Variants in ADORA2B observed in about 807,000 individuals in gnomAD.
The protein encoded by ADORA2B is adenosine receptor A2b.
Under a neutral mutation model 20.8 loss-of-function variants are expected in ADORA2B, and 18 were observed. That is an observed-to-expected ratio of 0.87 (90% CI 0.60 to 1.29). ADORA2B has a LOEUF of 1.29. Ranked by LOEUF, ADORA2B falls within the 50% of genes most tolerant of loss-of-function variation. The pLI is 0.00. For missense variants in ADORA2B, 441 were observed against 422.7 expected (o/e 1.04, Z -0.38); for synonymous variants, 179 against 178.3 (o/e 1.00, Z -0.03).
At chr17:15,854,242 A>G in the ADORA2B span, among the ~76,000 whole-genome samples, 1 of 152,262 alleles carries the variant, frequency 6.6e-6, no homozygotes, top group Non-Finnish European at 1.5e-5. Context: ...GGCGTGAGCC[A>G]CCGCGCCTGG....
At chr17:15,874,515 C>T in the ADORA2B span, among the ~76,000 whole-genome samples, 1 of 151,236 alleles carries the variant, frequency 6.6e-6, no homozygotes, top group Admixed American at 6.6e-5. Flanking sequence ...TCATGAGACC[C>T]TGTGTCTACC....
At position 15,973,493 on chromosome 17, in the gene ADORA2B, C is replaced by T. The variant is rs201216786; in HGVS notation, c.336-1186C>T. Reference sequence around the variant, plus strand: ...CCTGGGCTGCAGACTAGTACTGGTCCGTGGCCTGTTAGGAACTGGGCCACA... The same window carrying T: ...CCTGGGCTGCAGACTAGTACTGGTCTGTGGCCTGTTAGGAACTGGGCCACA... On this transcript the variant is annotated intron_variant, in intron 1 of 1. Coordinates refer to ENST00000304222, the MANE Select transcript of ADORA2B (RefSeq NM_000676.4). Among the ~76,000 whole-genome samples the T allele has an allele frequency of 1.1e-4, 17 of 152,304 alleles. No individual in the cohort carries two copies. In the East Asian group the frequency reaches 1.2e-3, roughly 10 times the overall value.
the ADORA2B span, among the ~76,000 whole-genome samples, chr17:15,919,267 CT>C: frequency 6.6e-6 from 1 of 152,126 alleles, no homozygotes; most frequent in African/African-American, 2.4e-5. Flanking sequence ...ATTATTTGAC[CT>C]GAATTTTCCA....
the ADORA2B span, among the ~76,000 whole-genome samples, chr17:15,923,206 A>ATTTTTTTTTTTTTTTTTT: frequency 2.1e-4 from 24 of 113,486 alleles, no homozygotes; most frequent in Non-Finnish European, 2.8e-4. Context: ...TCTTTTTTTA[A>ATTTTTTTTTTTTTTTTTT]TTTTTTTTTT....
the ADORA2B span, among the ~76,000 whole-genome samples, chr17:15,885,440 G>A: frequency 3.9e-5 from 6 of 152,182 alleles, no homozygotes; most frequent in East Asian, 9.6e-4. Flanking sequence ...CAGGCCAGGC[G>A]TGGTGCGTCA....
chr17:15,946,315 G>A (rs1162857194), intron 1 of ADORA2B, among the ~76,000 whole-genome samples: 2 of 152,148 alleles, frequency 1.3e-5, no homozygotes, highest in Admixed American at 6.5e-5. Flanking sequence ...TGTTGGGAGC[G>A]GGCTGAGAAG....
At chr17:15,923,329 C>T in the ADORA2B span, among the ~76,000 whole-genome samples, 7 of 149,388 alleles carry the variant, frequency 4.7e-5, no homozygotes, top group South Asian at 2.1e-4. Context: ...GGATTACAGG[C>T]GTGAGCCACC....
At chr17:15,922,269 C>T in the ADORA2B span, among the ~76,000 whole-genome samples, 6,580 of 152,172 alleles carry the variant, frequency 0.043, 474 homozygotes, top group African/African-American at 0.15. Flanking sequence ...AGCATCATAT[C>T]CTCTTATTTT....
the ADORA2B span, among the ~76,000 whole-genome samples, chr17:15,897,056 C>T: frequency 6.6e-6 from 1 of 152,054 alleles, no homozygotes; most frequent in Non-Finnish European, 1.5e-5. Flanking sequence ...AGACGATGGC[C>T]GTGCCCCATG....
the ADORA2B span, among the ~76,000 whole-genome samples, chr17:15,915,978 G>A: frequency 1.3e-5 from 2 of 152,182 alleles, no homozygotes; most frequent in Admixed American, 6.5e-5. Flanking sequence ...GAATCAGATT[G>A]GCCTGCGATA....
At chr17:15,893,972 G>A in the ADORA2B span, among the ~76,000 whole-genome samples, 2 of 152,204 alleles carry the variant, frequency 1.3e-5, no homozygotes, top group Admixed American at 1.3e-4. Context: ...GGGCATGGCT[G>A]TGTCCCAACA....
the ADORA2B span, among the ~76,000 whole-genome samples, chr17:15,926,112 G>A: frequency 6.6e-6 from 1 of 152,040 alleles, no homozygotes; most frequent in Non-Finnish European, 1.5e-5. Flanking sequence ...CAATAACCCA[G>A]CATCGGTTTT....
chr17:15,933,271 A>G, the ADORA2B span, among the ~76,000 whole-genome samples: 1 of 152,010 alleles, frequency 6.6e-6, no homozygotes, highest in Non-Finnish European at 1.5e-5. Flanking sequence ...TTCTTTTTCA[A>G]GATTGTTTTT....
At chr17:15,870,451 C>A in the ADORA2B span, among the ~76,000 whole-genome samples, 1 of 152,250 alleles carries the variant, frequency 6.6e-6, no homozygotes, top group Non-Finnish European at 1.5e-5. Context: ...CCAGGCTGGG[C>A]ATACCAATAA....
the ADORA2B span, among the ~76,000 whole-genome samples, chr17:15,923,201 TTTTAA>T: frequency 0.012 from 1,592 of 134,644 alleles, 52 homozygotes; most frequent in African/African-American, 0.042. Context: ...TTCTTTCTTT[TTTTAA>T]TTTTTTTTTT....
At chr17:15,854,143 C>T in the ADORA2B span, among the ~76,000 whole-genome samples, 4 of 152,052 alleles carry the variant, frequency 2.6e-5, no homozygotes, top group African/African-American at 9.7e-5. Context: ...TTAGTGGAGG[C>T]GGGGTTTCTC....
chr17:15,954,740 C>T lies in ADORA2B; in HGVS notation c.335+9157C>T, dbSNP rs149855472. Among the ~76,000 whole-genome samples, 720 of 152,302 alleles carry T rather than the reference C, an allele frequency of 4.7e-3. 7 individuals carry two copies. Among genetic ancestry groups the T allele is most frequent in the African/African-American group, 0.017 (694 of 41,562 alleles). On this transcript the variant is annotated intron_variant, in intron 1 of 1. Coordinates refer to ENST00000304222, the MANE Select transcript of ADORA2B (RefSeq NM_000676.4). Reference sequence around the variant, plus strand: ...TGCATTCACACCACTGCACTCCATCCTGGGCAACAGAGTGAGACCCTGTCT... The same window carrying T: ...TGCATTCACACCACTGCACTCCATCTTGGGCAACAGAGTGAGACCCTGTCT...
chr17:15,866,353 G>A, the ADORA2B span, among the ~76,000 whole-genome samples: 3 of 152,110 alleles, frequency 2.0e-5, no homozygotes, highest in Non-Finnish European at 2.9e-5. Flanking sequence ...TGGGTAATGT[G>A]TAGTAGTGTC....
chr17:15,851,846 G>A, the ADORA2B span, among the ~76,000 whole-genome samples: 6 of 152,166 alleles, frequency 3.9e-5, no homozygotes, highest in Non-Finnish European at 5.9e-5. Context: ...GTCCTGGCAC[G>A]TTGAAAAACT....
Sources: gnomAD v4.1 joint callset for allele counts (sites outside exome capture counted in the v4.1 genomes callset) on GRCh38, gnomAD v4.1.1 for gene constraint, MANE v1.5 for transcripts, NCBI Gene and HGNC (gene_info 2026-07-23, HGNC 2026-07-21) for gene names.